LPP: variants seen among roughly 807,000 people sequenced by gnomAD.
LPP encodes the protein LIM domain containing preferred translocation partner in lipoma, also known as lipoma-preferred partner.
LPP carries 38 observed loss-of-function variants against 60.4 expected under a neutral mutation model. That is an observed-to-expected ratio of 0.63 (90% CI 0.49 to 0.83). The LOEUF is 0.83. LPP is among the 40% of genes least tolerant of loss of function. The probability of loss-of-function intolerance (pLI) is 0.00; values close to 1 mark genes in which losing one functional copy is unlikely to be tolerated. For missense variants in LPP, 902 were observed against 783.6 expected (o/e 1.15, Z -1.80); for synonymous variants, 328 against 290.8 (o/e 1.13, Z -1.30).
At chr3:188,279,903 G>A (rs1425647877) in intron 2 of LPP, among the ~76,000 whole-genome samples, 5 of 152,086 alleles carry the variant, frequency 3.3e-5, no homozygotes, top group African/African-American at 7.2e-5. Flanking sequence ...CCTGGTGACC[G>A]AATCATTTTT....
chr3:188,397,653 T>A (rs1339122414), intron 3 of LPP, among the ~76,000 whole-genome samples: 4 of 151,720 alleles, frequency 2.6e-5, no homozygotes, highest in African/African-American at 9.7e-5. Context: ...TCACCCTGTC[T>A]CCCAGGCTGG....
intron 9 of LPP, among the ~76,000 whole-genome samples, chr3:188,863,794 C>G (rs1429790190): frequency 6.6e-6 from 1 of 152,020 alleles, no homozygotes; most frequent in Admixed American, 6.6e-5. Flanking sequence ...TCTTTGAATG[C>G]AGCATCTGTA....
chr3:188,181,097 G>A (rs1724841809), intron 1 of LPP, among the ~76,000 whole-genome samples: 1 of 152,164 alleles, frequency 6.6e-6, no homozygotes, highest in Non-Finnish European at 1.5e-5. Flanking sequence ...GCTCATGCCT[G>A]TAATCTCAGC....
At chr3:188,435,509 G>C (rs1264919361) in intron 4 of LPP, among the ~76,000 whole-genome samples, 1 of 152,082 alleles carries the variant, frequency 6.6e-6, no homozygotes, top group African/African-American at 2.4e-5. Flanking sequence ...TTGTTTCTCT[G>C]TTGGGGGGAG....
At chr3:188,640,302 G>A (rs1264913951) in intron 7 of LPP, among the ~76,000 whole-genome samples, 2 of 149,204 alleles carry the variant, frequency 1.3e-5, no homozygotes, top group African/African-American at 4.9e-5. Flanking sequence ...CTCACTTATA[G>A]GTGGGAATTG....
At chr3:188,218,726 A>C (rs1714622158) in intron 1 of LPP, among the ~76,000 whole-genome samples, 2 of 152,166 alleles carry the variant, frequency 1.3e-5, no homozygotes, top group Admixed American at 6.5e-5. Flanking sequence ...GATAATTTGG[A>C]GGCGTATGGA....
At chr3:188,308,723 G>T (rs959934834) in intron 2 of LPP, among the ~76,000 whole-genome samples, 2 of 152,196 alleles carry the variant, frequency 1.3e-5, no homozygotes, top group Non-Finnish European at 2.9e-5. Context: ...ATGCGGAGTA[G>T]AGAGTAGATA....
rs143132138 is a variant in LPP, at chr3:188,421,221, C to T, written c.193+14908C>T. On this transcript the variant is annotated intron_variant, in intron 4 of 11. Coordinates refer to ENST00000617246, the MANE Select transcript of LPP (RefSeq NM_001375462.1). ...TGTATTTTTATTTATTTTTCTTTTACGTGAATTTAAAATGTCATATTTGTT... is the reference window on the plus strand; with the variant it reads ...TGTATTTTTATTTATTTTTCTTTTATGTGAATTTAAAATGTCATATTTGTT... 5.4e-3 allele frequency among the ~76,000 whole-genome samples: 815 copies of T among 152,148 alleles called. 10 individuals carry two copies. The highest frequency in any genetic ancestry group is 0.018 in the South Asian group (88 of 4,826).
intron 1 of LPP, among the ~76,000 whole-genome samples, chr3:188,160,208 C>T (rs1282916740): frequency 1.3e-5 from 2 of 151,676 alleles, no homozygotes; most frequent in Non-Finnish European, 2.9e-5. Context: ...CCACGCTCAG[C>T]CTTGAGATGG....
chr3:188,566,060 T>G (rs1832067677), intron 6 of LPP, among the ~76,000 whole-genome samples: 1 of 152,028 alleles, frequency 6.6e-6, no homozygotes, highest in Non-Finnish European at 1.5e-5. Flanking sequence ...GGAATTTTCA[T>G]ATGATAGGAA....
Position 188,884,822 on chromosome 3 carries a change from A to G in LPP, c.*10343A>G, listed in dbSNP as rs1206146989. On this transcript the variant is annotated 3_prime_UTR_variant, in exon 12 of 12. Coordinates refer to ENST00000617246, the MANE Select transcript of LPP (RefSeq NM_001375462.1). The stretch of plus-strand genomic sequence containing the variant: ...CATTTACTGAGAGCACACCACGTGC[A>G]TGTTGCTGCAACAGGCATTTCCGAT... 1 of 226,560 alleles carries G rather than the reference A, an allele frequency of 4.4e-6. No individual in the cohort carries two copies. The allele number at this position is 226,560 out of a possible 1,614,324, so 14.0% of individuals were successfully genotyped here.
intron 3 of LPP, among the ~76,000 whole-genome samples, chr3:188,376,725 T>A (rs1775217202): frequency 2.0e-5 from 3 of 152,228 alleles, no homozygotes; most frequent in African/African-American, 7.2e-5. Context: ...AATATTGTTA[T>A]GTGTGAATTC....
At chr3:188,786,129 T>G (rs547587821) in intron 9 of LPP, among the ~76,000 whole-genome samples, 5 of 152,130 alleles carry the variant, frequency 3.3e-5, no homozygotes, top group Admixed American at 2.6e-4. Flanking sequence ...CTTGTAATCC[T>G]AGCACTTTGG....
intron 2 of LPP, among the ~76,000 whole-genome samples, chr3:188,326,475 A>G (rs1578122151): frequency 1.3e-5 from 2 of 152,314 alleles, no homozygotes. Context: ...GCTAAAATTG[A>G]ATTTCCTGAT....
intron 7 of LPP, among the ~76,000 whole-genome samples, chr3:188,613,093 A>T (rs1463754860): frequency 1.3e-5 from 2 of 152,104 alleles, no homozygotes; most frequent in Non-Finnish European, 2.9e-5. Context: ...AAATAGTGTT[A>T]TAAATAAGTC....
At chr3:188,311,782 G>A (rs540856077) in intron 2 of LPP, among the ~76,000 whole-genome samples, 43 of 152,036 alleles carry the variant, frequency 2.8e-4, no homozygotes, top group African/African-American at 9.6e-4. Flanking sequence ...GGGATTACAG[G>A]CACCCGCTGC....
chr3:188,477,843 A>G (rs547173971), intron 4 of LPP, among the ~76,000 whole-genome samples: 9 of 152,314 alleles, frequency 5.9e-5, no homozygotes, highest in Non-Finnish European at 1.2e-4. Context: ...ACATACATAT[A>G]TGTGTATACA....
At chr3:188,194,800 A>G (rs1729075461) in intron 1 of LPP, among the ~76,000 whole-genome samples, 1 of 152,162 alleles carries the variant, frequency 6.6e-6, no homozygotes, top group African/African-American at 2.4e-5. Flanking sequence ...TCACTGTTTC[A>G]TGTGAGTTTT....
At chr3:188,394,295 C>T (rs993398729) in intron 3 of LPP, among the ~76,000 whole-genome samples, 2 of 152,116 alleles carry the variant, frequency 1.3e-5, no homozygotes, top group African/African-American at 4.8e-5. Flanking sequence ...ATAGGTGGTA[C>T]TTATGGGAAT....
Sources: gnomAD v4.1 joint callset for allele counts (sites outside exome capture counted in the v4.1 genomes callset) on GRCh38, gnomAD v4.1.1 for gene constraint, MANE v1.5 for transcripts, NCBI Gene and HGNC (gene_info 2026-07-23, HGNC 2026-07-21) for gene names.